Variants in GTF2IRD1 observed in about 807,000 individuals in gnomAD.
GTF2IRD1 encodes the protein general transcription factor II-I repeat domain-containing protein 1.
In GTF2IRD1, 26 loss-of-function variants were observed where a neutral mutation model predicts 113.2. The observed-to-expected ratio is 0.23, with a 90% CI of 0.17 to 0.32. The LOEUF is 0.32. GTF2IRD1 is among the 10% of genes least tolerant of loss of function. The probability of loss-of-function intolerance (pLI) is 1.00; values close to 1 mark genes in which losing one functional copy is unlikely to be tolerated. For synonymous variants in GTF2IRD1, 484 were observed against 529.1 expected (o/e 0.91, Z 1.17); for missense variants, 864 against 1,280.8 (o/e 0.67, Z 4.97).
Position 74,545,905 on chromosome 7 carries a change from C to T in GTF2IRD1, c.1732+96C>T, listed in dbSNP as rs1271651455. On this transcript the variant is annotated intron_variant, in intron 16 of 26. Transcript: ENST00000424337. ...TTTGGTCGCATCCCCTTGCCTGTTCCCATCCCAGCTGTTCTCTGGGCAGGG... is the reference window on the plus strand; with the variant it reads ...TTTGGTCGCATCCCCTTGCCTGTTCTCATCCCAGCTGTTCTCTGGGCAGGG... The T allele has an allele frequency of 7.9e-6, 7 of 880,962 alleles. No individual in the cohort carries two copies. The African/African-American group carries it at 9.8e-5, about 12-fold the overall frequency. 54.6% of individuals were successfully genotyped at this position (880,962 alleles called of 1,614,324 possible). A position where few individuals can be genotyped will look rare whatever the true frequency, so the allele number is the denominator to read the frequency against.
intron 22 of GTF2IRD1, chr7:74,571,082 T>C (rs1800670555): frequency 2.0e-6 from 2 of 984,894 alleles, no homozygotes; most frequent in South Asian, 9.4e-5. Flanking sequence ...TTGAGGGGAC[T>C]GTGGGAAGGC....
At chr7:74,503,331 G>A (rs1236430898) in intron 1 of GTF2IRD1, among the ~76,000 whole-genome samples, 2 of 152,184 alleles carry the variant, frequency 1.3e-5, no homozygotes, top group African/African-American at 4.8e-5. Context: ...GGAGCTGGGT[G>A]ATGGGACAGA....
At position 74,554,417 on chromosome 7, in the gene GTF2IRD1, C is replaced by T. The variant is rs587645991; in HGVS notation, c.1917-757C>T. Among the ~76,000 whole-genome samples, 89 of 152,280 alleles carry T rather than the reference C, an allele frequency of 5.8e-4. 1 individual carries two copies. The highest frequency in any genetic ancestry group is 8.3e-4 in the South Asian group (4 of 4,826). On this transcript the variant is annotated intron_variant, in intron 17 of 26. Coordinates refer to ENST00000424337, the MANE Select transcript of GTF2IRD1 (RefSeq NM_005685.4). ...CTAAAGACATTAGCATAATACAGAG[C>T]TGGGCTTGGTCACTGGTGCTTCCGA...
intron 21 of GTF2IRD1, among the ~76,000 whole-genome samples, chr7:74,559,255 C>G (rs1400535049): frequency 1.3e-5 from 2 of 152,302 alleles, no homozygotes; most frequent in Admixed American, 6.5e-5. Flanking sequence ...GGTCACCCCC[C>G]CATGGCAAGG....
At chr7:74,499,603 A>C (rs1795913754) in intron 1 of GTF2IRD1, among the ~76,000 whole-genome samples, 1 of 151,908 alleles carries the variant, frequency 6.6e-6, no homozygotes, top group Non-Finnish European at 1.5e-5. Flanking sequence ...AATGCACACA[A>C]AGGAATTAAT....
rs772760673 is a variant in GTF2IRD1, at chr7:74,512,050, A to G, written c.124-780A>G. ...TGTGGAACTGGGCTGCTTGTCCCCA[A>G]TTCTATAGACGTGGAAACTGGCCAC... is the stretch of plus-strand genomic sequence containing the variant. On this transcript the variant is annotated intron_variant, in intron 2 of 26. Coordinates refer to ENST00000424337, the MANE Select transcript of GTF2IRD1 (RefSeq NM_005685.4). The surrounding 1 kb of genome is among the most constrained non-coding windows in gnomAD (Gnocchi z 4.4). Among the ~76,000 whole-genome samples, 4 of 152,028 alleles carry G rather than the reference A, an allele frequency of 2.6e-5. No individual in the cohort carries two copies. The highest frequency in any genetic ancestry group is 4.4e-5 in the Non-Finnish European group (3 of 67,994).
intron 1 of GTF2IRD1, among the ~76,000 whole-genome samples, chr7:74,494,322 C>A (rs1200042851): frequency 6.6e-6 from 1 of 152,198 alleles, no homozygotes; most frequent in African/African-American, 2.4e-5. Context: ...CACTTGCTGG[C>A]CCGGGGCCTG....
chr7:74,546,218 CTTT>C (rs1222914895), intron 16 of GTF2IRD1, among the ~76,000 whole-genome samples: 1 of 126,506 alleles, frequency 7.9e-6, no homozygotes. Flanking sequence ...CCATGTTTTT[CTTT>C]TTTTTTTTTT....
At chr7:74,536,058 C>A (rs1388643747) in intron 10 of GTF2IRD1, 109 bp from the exon 11 acceptor site, 1 of 712,022 alleles carries the variant, frequency 1.4e-6, no homozygotes, top group Non-Finnish European at 2.5e-6. Context: ...AGAGGCCAGG[C>A]CCTATCCCCG....
intron 1 of GTF2IRD1, among the ~76,000 whole-genome samples, chr7:74,500,767 A>C (rs781790851): frequency 6.6e-6 from 1 of 152,110 alleles, no homozygotes; most frequent in African/African-American, 2.4e-5. Context: ...TCTGTCGCCC[A>C]GGCTGGAGTG....
chr7:74,504,158 G>A (rs1203936494), intron 1 of GTF2IRD1, among the ~76,000 whole-genome samples: 4 of 152,068 alleles, frequency 2.6e-5, no homozygotes, highest in East Asian at 3.8e-4. Flanking sequence ...CCATTCTACC[G>A]CTGATGGACA....
intron 2 of GTF2IRD1, among the ~76,000 whole-genome samples, chr7:74,508,672 C>T (rs1296618511): frequency 7.0e-6 from 1 of 142,592 alleles, no homozygotes; most frequent in Non-Finnish European, 1.5e-5. Flanking sequence ...GCCTGGGTGA[C>T]AGGGCAAGAC....
At chr7:74,547,013 C>T in intron 16 of GTF2IRD1, 90 bp from the exon 17 acceptor site, 2 of 1,214,414 alleles carry the variant, frequency 1.6e-6, no homozygotes, top group East Asian at 2.4e-5. Flanking sequence ...GCTCTGGCAG[C>T]TTTGCCCCCC....
At chr7:74,496,639 T>TGTGG (rs1386126801) in intron 1 of GTF2IRD1, among the ~76,000 whole-genome samples, 1 of 150,064 alleles carries the variant, frequency 6.7e-6, no homozygotes, top group Non-Finnish European at 1.5e-5. Context: ...TGTGCATGTA[T>TGTGG]GTGTGCGTGT....
chr7:74,456,370 C>T (rs750940113), intron 1 of GTF2IRD1, among the ~76,000 whole-genome samples: 18 of 152,286 alleles, frequency 1.2e-4, no homozygotes, highest in South Asian at 4.2e-4. Flanking sequence ...CCACTCACTG[C>T]TTCCTCAGCC....
intron 22 of GTF2IRD1, among the ~76,000 whole-genome samples, chr7:74,562,149 C>T (rs1800005028): frequency 6.6e-6 from 1 of 152,254 alleles, no homozygotes; most frequent in Admixed American, 6.5e-5. Context: ...CTCAAACTCT[C>T]CCTCACACGG....
At chr7:74,536,095 C>G in intron 10 of GTF2IRD1, 72 bp from the exon 11 acceptor site, 1 of 982,948 alleles carries the variant, frequency 1.0e-6, no homozygotes, top group South Asian at 1.3e-5. Flanking sequence ...ACACACAGAC[C>G]TTTACCCAGG....
intron 14 of GTF2IRD1, among the ~76,000 whole-genome samples, chr7:74,542,767 T>C (rs1798703346): frequency 6.6e-6 from 1 of 152,238 alleles, no homozygotes; most frequent in Admixed American, 6.5e-5. Flanking sequence ...GGTGCCCAGC[T>C]GGGTTTGCAG....
intron 22 of GTF2IRD1, among the ~76,000 whole-genome samples, chr7:74,567,881 G>A (rs1800421327): frequency 6.6e-6 from 1 of 152,078 alleles, no homozygotes; most frequent in African/African-American, 2.4e-5. Context: ...CGCCTCCCGG[G>A]TTCAAGTGAT....
Sources: allele counts gnomAD v4.1 joint callset (sites outside exome capture counted in the v4.1 genomes callset), GRCh38; gene constraint gnomAD v4.1.1; non-coding constraint Gnocchi (gnomAD v3.1); transcripts MANE v1.5; gene names NCBI Gene and HGNC (gene_info 2026-07-23, HGNC 2026-07-21).